FGF13: variants seen among roughly 807,000 people sequenced by gnomAD.
FGF13 encodes the protein fibroblast growth factor homologous factor 2.
FGF13 carries 2 observed loss-of-function variants against 19.5 expected under a neutral mutation model. The observed-to-expected ratio is 0.10, with a 90% CI of 0.04 to 0.32. The LOEUF is 0.32. Ranked by LOEUF, FGF13 falls within the 10% of genes least tolerant of loss-of-function variation. The probability of loss-of-function intolerance (pLI) is 1.00; values close to 1 mark genes in which losing one functional copy is unlikely to be tolerated. For missense variants in FGF13, 113 were observed against 192.7 expected (o/e 0.59, Z 2.45); for synonymous variants, 72 against 76.9 (o/e 0.94, Z 0.33).
At chrX:138,800,029 T>C (rs1440601207) in intron 3 of FGF13, among the ~76,000 whole-genome samples, 1 of 111,862 alleles carries the variant, frequency 8.9e-6, no homozygotes, top group Non-Finnish European at 1.9e-5. Flanking sequence ...CTTTATCCAA[T>C]TTGCGAGTCT....
chrX:138,852,678 T>C (rs1320399448), downstream of FGF13, among the ~76,000 whole-genome samples: 1 of 111,573 alleles, frequency 9.0e-6, no homozygotes, highest in Non-Finnish European at 1.9e-5. Context: ...TCAAAAGCAA[T>C]TGCAACAAAA....
At chrX:138,758,407 C>G (rs1215724583) in intron 3 of FGF13, among the ~76,000 whole-genome samples, 1 of 111,892 alleles carries the variant, frequency 8.9e-6, no homozygotes, top group Non-Finnish European at 1.9e-5. Flanking sequence ...CCAGCTAGAG[C>G]AATCAACAGC....
intron 3 of FGF13, among the ~76,000 whole-genome samples, chrX:138,849,948 G>A (rs1214284778): frequency 1.8e-5 from 2 of 111,323 alleles, no homozygotes; most frequent in Non-Finnish European, 3.8e-5. Context: ...TGCCTGAAAC[G>A]GGTCATCAGT....
chrX:138,697,784 C>A (rs2089909728), intron 3 of FGF13, among the ~76,000 whole-genome samples: 1 of 111,146 alleles, frequency 9.0e-6, no homozygotes, highest in Non-Finnish European at 1.9e-5. Flanking sequence ...TCTGTTATTT[C>A]TTATTAAAGT....
intron 1 of FGF13, among the ~76,000 whole-genome samples, chrX:139,065,490 A>G (rs751099617): frequency 1.4e-4 from 13 of 92,743 alleles, no homozygotes; most frequent in Admixed American, 1.1e-3. Context: ...GCAAAAAAAA[A>G]AAAAAGAAAA....
At chrX:139,191,758 ATT>A (rs960027103) in intron 1 of FGF13, among the ~76,000 whole-genome samples, 5 of 111,290 alleles carry the variant, frequency 4.5e-5, no homozygotes, top group African/African-American at 1.3e-4. Flanking sequence ...GAAAAGCGGA[ATT>A]ACCTTGTCCA....
At chrX:138,635,976 A>G (rs1602638293) in intron 3 of FGF13, among the ~76,000 whole-genome samples, 1 of 112,328 alleles carries the variant, frequency 8.9e-6, no homozygotes, top group Admixed American at 9.4e-5. Context: ...GATTGAAAAG[A>G]CAAGCATAAA....
intron 1 of FGF13, among the ~76,000 whole-genome samples, chrX:139,077,477 T>G (rs2083340317): frequency 9.0e-6 from 1 of 111,472 alleles, no homozygotes; most frequent in Admixed American, 9.6e-5. Context: ...ATTCTTAGGG[T>G]TAGGGACAAT....
At position 138,623,216 on chromosome X, in the gene FGF13, T is replaced by C. The variant is rs889248368; in HGVS notation, c.*9634A>G. On this transcript the variant is annotated 3_prime_UTR_variant, in exon 5 of 5. Transcript: ENST00000315930. ...TTAAGTTCTTTTAGCTAGTATTTTG[T>C]TGTGGATTTTTGCATCTATGTTCAA... 5 of 111,561 alleles carry C rather than the reference T, an allele frequency of 4.5e-5. No individual in the cohort carries two copies. Among genetic ancestry groups the C allele is most frequent in the African/African-American group, 1.6e-4 (5 of 30,648 alleles). 9.2% of individuals were successfully genotyped at this position (111,561 alleles called of 1,213,427 possible).
chrX:139,082,922 T>A (rs1367960035), intron 1 of FGF13, among the ~76,000 whole-genome samples: 1 of 112,038 alleles, frequency 8.9e-6, no homozygotes, highest in East Asian at 2.8e-4. Context: ...AGGATAATGC[T>A]GTATCATGGA....
chrX:138,984,588 A>G (rs866343544), intron 1 of FGF13, among the ~76,000 whole-genome samples: 170 of 11,310 alleles, frequency 0.015, 1 homozygote, highest in African/African-American at 0.027. Context: ...GAAGAAGAAG[A>G]AGGAGGAGGA....
chrX:138,972,056 T>TTGTGTGTGTGTG (rs370317832), intron 1 of FGF13, among the ~76,000 whole-genome samples: 10,469 of 94,705 alleles, frequency 0.11, 528 homozygotes, highest in African/African-American at 0.13. Flanking sequence ...TAGTATTCTA[T>TTGTGTGTGTGTG]TGTGTGTGTG....
intron 1 of FGF13, among the ~76,000 whole-genome samples, chrX:138,969,684 C>T (rs1351721883): frequency 9.0e-6 from 1 of 111,551 alleles, no homozygotes; most frequent in Non-Finnish European, 1.9e-5. Flanking sequence ...AATTAGCACA[C>T]CACTACAGCA....
rs555643117 is a variant in FGF13, at chrX:139,054,899, GTTGTATTGTA to G, written c.-113+148507_-113+148516del. On this transcript the variant is annotated intron_variant, in intron 1 of 2. Transcript: ENST00000421460. ...GTTGTGTTGTGTTGTGTTGTGTTGT[GTTGTATTGTA>G]TTGTATTGTATTGTATTGTATTGTA... Among the ~76,000 whole-genome samples, 420 of 98,913 alleles carry G rather than the reference GTTGTATTGTA, an allele frequency of 4.2e-3. 4 individuals carry two copies. The highest frequency in any genetic ancestry group is 0.016 in the African/African-American group (383 of 24,259). 85.9% of individuals were successfully genotyped at this position (98,913 alleles called of 115,157 possible).
In FGF13 at chrX:138,620,954, C is replaced by G. The variant is rs1207971048; in HGVS notation, c.*11896G>C. 9.0e-6 allele frequency: 1 copy of G among 111,508 alleles called. No homozygotes were observed. Among genetic ancestry groups the G allele is most frequent in the Non-Finnish European group, 1.9e-5 (1 of 53,018 alleles). The allele number at this position is 111,508 out of a possible 1,213,427, so 9.2% of individuals were successfully genotyped here. A position where few individuals can be genotyped will look rare whatever the true frequency, so the allele number is the denominator to read the frequency against. ...AGATGCAATTTTGAATATATACACA[C>G]CCAACATTGGATCACCTAAATATAT... On this transcript the variant is annotated 3_prime_UTR_variant, in exon 5 of 5. Transcript: ENST00000315930.
intron 3 of FGF13, among the ~76,000 whole-genome samples, chrX:138,776,530 A>T (rs1691639476): frequency 8.9e-6 from 1 of 112,146 alleles, no homozygotes; most frequent in Admixed American, 9.4e-5. Flanking sequence ...TGATATGCCA[A>T]AGGCCTCACA....
At chrX:139,090,941 CAA>C (rs1181771963) in intron 1 of FGF13, among the ~76,000 whole-genome samples, 6 of 32,751 alleles carry the variant, frequency 1.8e-4, no homozygotes, top group South Asian at 2.2e-3. Flanking sequence ...GACCCTGTCT[CAA>C]AAAAAAAAAA....
intron 1 of FGF13, among the ~76,000 whole-genome samples, chrX:139,054,312 A>C (rs1368671944): frequency 8.3e-5 from 9 of 108,452 alleles, no homozygotes; most frequent in African/African-American, 3.0e-4. Context: ...TTTAGTACAG[A>C]CGGGGTTTCA....
At chrX:138,821,621 T>C (rs1569404110) in intron 3 of FGF13, among the ~76,000 whole-genome samples, 1 of 112,185 alleles carries the variant, frequency 8.9e-6, no homozygotes, top group Non-Finnish European at 1.9e-5. Context: ...TTTGGACATA[T>C]TGGGTTAAAT....
Sources: gnomAD v4.1 joint callset for allele counts (sites outside exome capture counted in the v4.1 genomes callset) on GRCh38, gnomAD v4.1.1 for gene constraint, MANE v1.5 for transcripts, NCBI Gene and HGNC (gene_info 2026-07-23, HGNC 2026-07-21) for gene names.